The following P2RY8 variants were observed in gnomAD, a reference collection of about 807,000 sequenced individuals.
P2RY8 encodes P2Y receptor family member 8.
A neutral mutation model predicts 10.0 loss-of-function variants in P2RY8; 6 were observed. The observed-to-expected ratio is 0.60, with a 90% CI of 0.33 to 1.19. The LOEUF (loss-of-function observed/expected upper bound fraction) is 1.19. Ranked by LOEUF, P2RY8 falls within the 50% of genes most tolerant of loss-of-function variation. The pLI is 0.04. For missense variants in P2RY8, 456 were observed against 542.0 expected, an observed-to-expected ratio of 0.84 and a Z score of 1.58; for synonymous variants, 276 against 252.5, an observed-to-expected ratio of 1.09 and a Z score of -0.88.
chrX:1,527,403 C>A (rs1448769443), intron 1 of P2RY8, among the ~76,000 whole-genome samples: 1 of 152,012 alleles, frequency 6.6e-6, no homozygotes, highest in African/African-American at 2.4e-5. Flanking sequence ...ATGATCCATT[C>A]ATTCACTCAT....
Position 1,466,424 on chromosome X carries a change from C to A in P2RY8, c.135G>T (p.Leu45=), listed in dbSNP as rs375311265. The A allele has an allele frequency of 1.5e-5, 25 of 1,613,146 alleles. No individual in the cohort carries two copies. In the African/African-American group the frequency reaches 3.3e-4, roughly 22 times the overall value. Residue 45 remains leucine, a synonymous_variant, in exon 2 of 2, where the codon CTG becomes CTT. Transcript: ENST00000381297. Reference sequence around the variant, plus strand: ...GCCCCATGCGCCGGCACAGCACCCACAGAGAGAAGAGGTTGCCCGGGATGC... The same window carrying A: ...GCCCCATGCGCCGGCACAGCACCCAAAGAGAGAAGAGGTTGCCCGGGATGC... ...AVSIPGNLFS[L]WVLCRRMGPR...
intron 1 of P2RY8, among the ~76,000 whole-genome samples, chrX:1,493,429 AG>A (rs1569537384): frequency 7.5e-4 from 30 of 39,742 alleles, no homozygotes; most frequent in African/African-American, 3.5e-3. Context: ...AGGAAGGAGG[AG>A]GGAGGGAAGG....
intron 1 of P2RY8, among the ~76,000 whole-genome samples, chrX:1,513,934 A>G (rs2092319197): frequency 6.6e-6 from 1 of 152,252 alleles, no homozygotes; most frequent in Non-Finnish European, 1.5e-5. Flanking sequence ...ACCCTAATCC[A>G]GGATGATCTC....
chrX:1,493,403 G>A (rs1603457536), intron 1 of P2RY8, among the ~76,000 whole-genome samples: 1 of 45,920 alleles, frequency 2.2e-5, no homozygotes, highest in Non-Finnish European at 5.0e-5. Context: ...GAGGGAAGGA[G>A]GAAGGAGGAG....
rs753792318 is a variant in P2RY8 at position 1,465,508 on chromosome X, C to T, written c.1051G>A (p.Gly351Ser). ...AACACACTCTCCTGCCTCTGGAGGC[C>T]GGGCCTGGTGGCTCCCTCCATCCCT... ...PEGMEGATRP[G>S]LQRQESVF Residue 351 changes from glycine to serine, a missense_variant, in exon 2 of 2, where the codon GGC becomes AGC. Physicochemically the swap from Gly to Ser is moderately conservative, Grantham distance 56. Coordinates refer to ENST00000381297, the MANE Select transcript of P2RY8 (RefSeq NM_178129.5). The T allele has an allele frequency of 6.2e-7, 1 of 1,609,384 alleles. No individual in the cohort carries two copies. Among genetic ancestry groups the T allele is most frequent in the Middle Eastern group, 1.9e-4 (1 of 5,280 alleles).
In P2RY8 at chrX:1,463,711, T is replaced by C. The variant is rs755948422; in HGVS notation, c.*1768A>G. On this transcript the variant is annotated 3_prime_UTR_variant, in exon 2 of 2. Coordinates refer to ENST00000381297, the MANE Select transcript of P2RY8 (RefSeq NM_178129.5). ...ATTGTATCCAGTTCCCTCCAGAGAC[T>C]CTAGGGGAGGGTCCTTCCTGCCTCT... 8 of 232,564 alleles carry C rather than the reference T, an allele frequency of 3.4e-5. No homozygotes were observed. Among genetic ancestry groups the C allele is most frequent in the Admixed American group, 2.3e-4 (4 of 17,716 alleles). 14.4% of individuals were successfully genotyped at this position (232,564 alleles called of 1,614,324 possible). A position where few individuals can be genotyped will look rare whatever the true frequency, so the allele number is the denominator to read the frequency against.
chrX:1,479,853 ATAT>A (rs2091915109), intron 1 of P2RY8, among the ~76,000 whole-genome samples: 1 of 152,220 alleles, frequency 6.6e-6, no homozygotes, highest in Non-Finnish European at 1.5e-5. Flanking sequence ...TCATAAAGAA[ATAT>A]TATAAACAAT....
At position 1,466,442 on chromosome X, in the gene P2RY8, C is replaced by T. The variant is rs752608815; in HGVS notation, c.117G>A (p.Pro39=). The change falls in exon 2 of 2, where the codon CCG becomes CCA. Residue 39 remains proline (P), a synonymous_variant. Coordinates refer to ENST00000381297, the MANE Select transcript of P2RY8 (RefSeq NM_178129.5). The part of the protein sequence containing the change: ...VYSLVAAVSI[P]GNLFSLWVLC... ...GCACCCACAGAGAGAAGAGGTTGCCCGGGATGCTGACCGCCGCCACCAGCG... is the reference window on the plus strand; with the variant it reads ...GCACCCACAGAGAGAAGAGGTTGCCTGGGATGCTGACCGCCGCCACCAGCG... 4 of 1,612,676 alleles carry T rather than the reference C, an allele frequency of 2.5e-6. No homozygotes were observed. Among genetic ancestry groups the T allele is most frequent in the East Asian group, 4.5e-5 (2 of 44,862 alleles).
chrX:1,466,951 C>T (rs28450615), intron 1 of P2RY8, among the ~76,000 whole-genome samples: 85,443 of 143,426 alleles, frequency 0.6, 25,298 homozygotes, highest in East Asian at 0.66. Context: ...CCTCGGCCCA[C>T]GTCAGAGGCT....
At chrX:1,530,181 T>G (rs2092464057) in intron 1 of P2RY8, among the ~76,000 whole-genome samples, 3 of 136,474 alleles carry the variant, frequency 2.2e-5, no homozygotes, top group African/African-American at 8.9e-5. Flanking sequence ...TCTATCTATC[T>G]ATCTATCTAT....
intron 1 of P2RY8, among the ~76,000 whole-genome samples, chrX:1,510,052 A>G (rs1390469173): frequency 1.3e-5 from 2 of 151,356 alleles, no homozygotes; most frequent in African/African-American, 2.5e-5. Flanking sequence ...TCTATCTATC[A>G]TCTATCTATC....
intron 1 of P2RY8, among the ~76,000 whole-genome samples, chrX:1,521,341 C>T (rs536362038): frequency 6.6e-5 from 10 of 152,220 alleles, no homozygotes; most frequent in Middle Eastern, 6.8e-3. Context: ...CCACCGCGCC[C>T]GGCCTTTATC....
chrX:1,509,800 TCTATCTATCTA>T lies in P2RY8; in HGVS notation c.-25+27110_-25+27120del, dbSNP rs1569538159. Among the ~76,000 whole-genome samples, 159 of 108,196 alleles carry T rather than the reference TCTATCTATCTA, an allele frequency of 1.5e-3. 1 individual carries two copies. The highest frequency in any genetic ancestry group is 3.2e-3 in the African/African-American group (100 of 31,618). The allele number at this position is 108,196 out of a possible 152,430, so 71.0% of individuals were successfully genotyped here. ...ATCTATCATCTATGTATCCATCCTA[TCTATCTATCTA>T]TCTATCTATCTATCTATCTATCTAT... On this transcript the variant is annotated intron_variant, in intron 1 of 1. Transcript: ENST00000381297.
chrX:1,466,151 G>A lies in P2RY8; in HGVS notation c.408C>T (p.Arg136=), dbSNP rs1435319600. The stretch of plus-strand genomic sequence containing the variant: ...CACACGCGGCCACCGCGTAACGACG[G>A]CGGCGCCAGCGCTTGGAGCTGAGCG... ...LYPLSSKRWR[R]RRYAVAACAG... is the part of the protein sequence containing the mutation. Residue 136 remains arginine (R), a synonymous_variant, in exon 2 of 2, where the codon CGC becomes CGT. Coordinates refer to ENST00000381297, the MANE Select transcript of P2RY8 (RefSeq NM_178129.5). 1 of 1,611,914 alleles carries A rather than the reference G, an allele frequency of 6.2e-7. No individual in the cohort carries two copies. Among genetic ancestry groups the A allele is most frequent in the South Asian group, 1.1e-5 (1 of 90,916 alleles).
chrX:1,515,348 A>G (rs1230358256), intron 1 of P2RY8, among the ~76,000 whole-genome samples: 1 of 150,890 alleles, frequency 6.6e-6, no homozygotes, highest in African/African-American at 2.4e-5. Context: ...ACACCTCCGC[A>G]GTCTATTTTA....
At chrX:1,482,758 C>G (rs2091949298) in intron 1 of P2RY8, among the ~76,000 whole-genome samples, 1 of 152,074 alleles carries the variant, frequency 6.6e-6, no homozygotes, top group African/African-American at 2.4e-5. Flanking sequence ...GAATACTATG[C>G]AGCCATCAAA....
chrX:1,515,056 C>A (rs1436968056), intron 1 of P2RY8, among the ~76,000 whole-genome samples: 2 of 149,778 alleles, frequency 1.3e-5, no homozygotes, highest in African/African-American at 4.9e-5. Context: ...TTACAGGCAC[C>A]CACCACCACA....
Position 1,521,942 on chromosome X carries a change from C to CTTTTT in P2RY8, c.-25+14978_-25+14979insAAAAA, listed in dbSNP as rs1189470045. The stretch of plus-strand genomic sequence containing the variant: ...TATGTCTTTCTCTTTCTCTCTCGCT[C>CTTTTT]TCTTTTTTTTTTTTTTTTTTTTTTT... On this transcript the variant is annotated intron_variant, in intron 1 of 1. Coordinates refer to ENST00000381297, the MANE Select transcript of P2RY8 (RefSeq NM_178129.5). Among the ~76,000 whole-genome samples, 272 of 48,546 alleles carry CTTTTT rather than the reference C, an allele frequency of 5.6e-3. 1 individual carries two copies. The highest frequency in any genetic ancestry group is 9.1e-3 in the South Asian group (11 of 1,214). 31.8% of individuals were successfully genotyped at this position (48,546 alleles called of 152,430 possible).
chrX:1,484,742 AAAAAAAGAAG>A (rs1416291344), intron 1 of P2RY8, among the ~76,000 whole-genome samples: 1 of 139,680 alleles, frequency 7.2e-6, no homozygotes, highest in African/African-American at 2.5e-5. Context: ...AAAAAAAAAA[AAAAAAAGAAG>A]AAGAAGAAGA....
Sources: allele counts gnomAD v4.1 joint callset (sites outside exome capture counted in the v4.1 genomes callset), GRCh38; gene constraint gnomAD v4.1.1; transcripts MANE v1.5; gene names NCBI Gene and HGNC (gene_info 2026-07-23, HGNC 2026-07-21).